GDPD4: variants seen among roughly 807,000 people sequenced by gnomAD.
The protein encoded by GDPD4 is glycerophosphodiester phosphodiesterase 6.
A neutral mutation model predicts 67.8 loss-of-function variants in GDPD4; 60 were observed. The ratio of observed to expected loss-of-function variants is 0.88; its 90% CI spans 0.72 to 1.10. The LOEUF (loss-of-function observed/expected upper bound fraction) is 1.10. Ranked by LOEUF, GDPD4 falls within the 50% of genes least tolerant of loss-of-function variation. The pLI is 0.00. For synonymous variants in GDPD4, 212 were observed against 210.9 expected, an observed-to-expected ratio of 1.00 and a Z score of -0.04; for missense variants, 623 against 613.9, an observed-to-expected ratio of 1.01 and a Z score of -0.16.
intron 4 of GDPD4, among the ~76,000 whole-genome samples, chr11:77,278,139 GA>G (rs1367922564): frequency 6.6e-6 from 1 of 152,106 alleles, no homozygotes; most frequent in Non-Finnish European, 1.5e-5. Flanking sequence ...ATTTGCTGAG[GA>G]GTGCTTTACT....
At chr11:77,278,460 A>C (rs904286222) in intron 4 of GDPD4, among the ~76,000 whole-genome samples, 3 of 152,170 alleles carry the variant, frequency 2.0e-5, no homozygotes, top group African/African-American at 4.8e-5. Context: ...CTTATATCTC[A>C]CATCTACCTC....
At chr11:77,298,803 G>C (rs1435480040) in intron 1 of GDPD4, among the ~76,000 whole-genome samples, 1 of 151,962 alleles carries the variant, frequency 6.6e-6, no homozygotes, top group Non-Finnish European at 1.5e-5. Flanking sequence ...TTCAAAATAT[G>C]GCAAAGAAAC....
At chr11:77,243,043 A>G (rs1958703508) in intron 13 of GDPD4, among the ~76,000 whole-genome samples, 1 of 152,154 alleles carries the variant, frequency 6.6e-6, no homozygotes, top group Admixed American at 6.5e-5. Flanking sequence ...AGCATTTAGA[A>G]TCATATAAAA....
intron 4 of GDPD4, among the ~76,000 whole-genome samples, chr11:77,278,376 C>T (rs1012421531): frequency 2.6e-5 from 4 of 152,302 alleles, no homozygotes; most frequent in Admixed American, 6.5e-5. Flanking sequence ...AATGTTCTTC[C>T]TCATTACCAT....
In GDPD4 at chr11:77,284,992, T is replaced by C. The variant is rs902855232; in HGVS notation, c.53+93A>G. ...CCAGTTTTGTCCGCCTTCCCTACTATATCACCGGATCTTTTCAGCCTGAGG... is the reference window on the plus strand; with the variant it reads ...CCAGTTTTGTCCGCCTTCCCTACTACATCACCGGATCTTTTCAGCCTGAGG... On this transcript the variant is annotated intron_variant, in intron 3 of 16. Transcript: ENST00000315938. 193 of 923,314 alleles carry C rather than the reference T, an allele frequency of 2.1e-4. 1 individual carries two copies. Among genetic ancestry groups the C allele is most frequent in the East Asian group, 8.9e-4 (37 of 41,564 alleles). The allele number at this position is 923,314 out of a possible 1,614,324, so 57.2% of individuals were successfully genotyped here.
At chr11:77,257,244 G>C (rs1480524496) in intron 11 of GDPD4, among the ~76,000 whole-genome samples, 4 of 152,120 alleles carry the variant, frequency 2.6e-5, no homozygotes, top group African/African-American at 4.8e-5. Context: ...TCTCAAATGA[G>C]TATAGCTGAT....
intron 7 of GDPD4, 49 bp from the exon 8 acceptor site, chr11:77,270,009 A>C (rs1283615336): frequency 1.1e-6 from 1 of 917,790 alleles, no homozygotes; most frequent in Non-Finnish European, 1.7e-6. Context: ...TGTCCCCTTT[A>C]AGCCCTTGCC....
At chr11:77,265,737 T>C (rs1657881940) in intron 10 of GDPD4, among the ~76,000 whole-genome samples, 1 of 152,164 alleles carries the variant, frequency 6.6e-6, no homozygotes. Context: ...TGTGCAGACA[T>C]ATCACCACCA....
At chr11:77,230,972 T>A (rs1591531664) in intron 14 of GDPD4, among the ~76,000 whole-genome samples, 1 of 152,256 alleles carries the variant, frequency 6.6e-6, no homozygotes, top group East Asian at 1.9e-4. Context: ...ACACTCCAGC[T>A]AGCTGCCTTG....
At chr11:77,241,326 G>A (rs761125916) in intron 13 of GDPD4, among the ~76,000 whole-genome samples, 3 of 152,166 alleles carry the variant, frequency 2.0e-5, no homozygotes, top group Admixed American at 6.5e-5. Flanking sequence ...AATAAGCCAC[G>A]CAAAGAAAGA....
intron 1 of GDPD4, among the ~76,000 whole-genome samples, chr11:77,297,250 A>C (rs1239327834): frequency 2.6e-5 from 4 of 151,924 alleles, no homozygotes; most frequent in Admixed American, 2.6e-4. Context: ...CATAATTTAA[A>C]AAGTAGATGC....
intron 1 of GDPD4, among the ~76,000 whole-genome samples, chr11:77,299,865 T>C (rs922946327): frequency 6.6e-6 from 1 of 152,118 alleles, no homozygotes; most frequent in African/African-American, 2.4e-5. Flanking sequence ...GGGTGAACAG[T>C]TGGAGTCAAA....
chr11:77,292,578 G>A (rs949654704), intron 1 of GDPD4, among the ~76,000 whole-genome samples: 1 of 151,860 alleles, frequency 6.6e-6, no homozygotes, highest in Non-Finnish European at 1.5e-5. Context: ...TAAACACAAA[G>A]TTAACAGAAG....
At chr11:77,245,590 C>G in intron 11 of GDPD4, 88 bp from the exon 12 acceptor site, 1 of 827,690 alleles carries the variant, frequency 1.2e-6, no homozygotes, top group Non-Finnish European at 1.9e-6. Context: ...CTCAGTTGCT[C>G]CATTATCATT....
intron 3 of GDPD4, among the ~76,000 whole-genome samples, chr11:77,282,712 A>C (rs74733848): frequency 6.6e-6 from 1 of 151,888 alleles, no homozygotes; most frequent in African/African-American, 2.4e-5. Flanking sequence ...CAACAACAAA[A>C]AAAAAAACAC....
intron 7 of GDPD4, 100 bp downstream of exon 7, chr11:77,271,030 T>C: frequency 2.6e-6 from 2 of 773,716 alleles, no homozygotes; most frequent in Non-Finnish European, 4.4e-6. Flanking sequence ...CAACGAGGCA[T>C]AGGGGTGGCT....
chr11:77,289,339 G>C (rs1338455753), intron 1 of GDPD4, among the ~76,000 whole-genome samples: 1 of 146,650 alleles, frequency 6.8e-6, no homozygotes, highest in Non-Finnish European at 1.5e-5. Context: ...CTCCAGCCTA[G>C]GTGACAGAGC....
intron 4 of GDPD4, 102 bp downstream of exon 4, chr11:77,279,204 G>C: frequency 1.5e-6 from 1 of 683,152 alleles, no homozygotes. Flanking sequence ...GTGATCTTAG[G>C]TTCTGAGAGT....
chr11:77,279,463 T>C, intron 3 of GDPD4, 64 bp from the exon 4 acceptor site: 1 of 1,020,106 alleles, frequency 9.8e-7, no homozygotes, highest in South Asian at 1.3e-5. Flanking sequence ...GTGTCAAGGA[T>C]GGGGACAAAA....
Sources: allele counts gnomAD v4.1 joint callset (sites outside exome capture counted in the v4.1 genomes callset), GRCh38; gene constraint gnomAD v4.1.1; transcripts MANE v1.5; gene names NCBI Gene and HGNC (gene_info 2026-07-23, HGNC 2026-07-21).